Variants in MGST1 observed in about 807,000 individuals in gnomAD.
The protein encoded by MGST1 is glutathione S-transferase 12.
MGST1 carries 5 observed loss-of-function variants against 8.9 expected under a neutral mutation model. That is an observed-to-expected ratio of 0.56 (90% CI 0.29 to 1.19). MGST1 has a LOEUF of 1.19. MGST1 is among the 50% of genes most tolerant of loss of function. The probability of loss-of-function intolerance (pLI) is 0.08; values close to 1 mark genes in which losing one functional copy is unlikely to be tolerated. For synonymous variants in MGST1, 54 were observed against 67.8 expected, an observed-to-expected ratio of 0.80 and a Z score of 1.00; for missense variants, 182 against 187.4, an observed-to-expected ratio of 0.97 and a Z score of 0.17.
chr12:16,534,427 T>A (rs1395084690), intron 4 of MGST1, among the ~76,000 whole-genome samples: 1 of 152,158 alleles, frequency 6.6e-6, no homozygotes, highest in Non-Finnish European at 1.5e-5. Flanking sequence ...CTGGCTGGAT[T>A]CCCACCACTA....
intron 4 of MGST1, among the ~76,000 whole-genome samples, chr12:16,536,433 T>A (rs1454274761): frequency 1.3e-5 from 2 of 152,070 alleles, no homozygotes; most frequent in African/African-American, 4.8e-5. Flanking sequence ...GAAGAAATGG[T>A]TTTGAGAGAA....
chr12:16,447,218 G>A (rs1473632136), intron 4 of MGST1, among the ~76,000 whole-genome samples: 1 of 151,848 alleles, frequency 6.6e-6, no homozygotes, highest in East Asian at 2.0e-4. Context: ...CCTTTATCTA[G>A]TTTCATGTCC....
chr12:16,525,559 T>C (rs1447611642), intron 4 of MGST1, among the ~76,000 whole-genome samples: 1 of 144,346 alleles, frequency 6.9e-6, no homozygotes, highest in East Asian at 2.1e-4. Flanking sequence ...GACATTTGGG[T>C]TGGTTCCAAG....
At chr12:16,472,271 A>C (rs1020237446) in intron 4 of MGST1, among the ~76,000 whole-genome samples, 1 of 152,218 alleles carries the variant, frequency 6.6e-6, no homozygotes, top group Non-Finnish European at 1.5e-5. Flanking sequence ...CCAGAAAAAA[A>C]ACAAATCTTT....
downstream of MGST1, among the ~76,000 whole-genome samples, chr12:16,443,090 AC>A (rs1941051426): frequency 1.3e-5 from 2 of 151,556 alleles, no homozygotes; most frequent in South Asian, 4.1e-4. Context: ...CTTGTTTATG[AC>A]CCTTTTATCT....
intron 3 of MGST1, chr12:16,376,056 GT>G (rs1015882573): frequency 9.3e-7 from 1 of 1,071,732 alleles, no homozygotes. Context: ...TGTATTTTAT[GT>G]GTTCACGTGT....
At chr12:16,431,939 T>C (rs1288790681) in intron 1 of MGST1, among the ~76,000 whole-genome samples, 1 of 152,184 alleles carries the variant, frequency 6.6e-6, no homozygotes, top group Non-Finnish European at 1.5e-5. Flanking sequence ...TTCCCTAAAA[T>C]TTATTCTGTA....
downstream of MGST1, among the ~76,000 whole-genome samples, chr12:16,440,187 G>A (rs1941027217): frequency 6.6e-6 from 1 of 151,496 alleles, no homozygotes; most frequent in East Asian, 2.0e-4. Context: ...TGTAAGTGAT[G>A]AATAAATGAT....
intron 4 of MGST1, among the ~76,000 whole-genome samples, chr12:16,565,252 G>A (rs1256813142): frequency 1.3e-5 from 2 of 152,132 alleles, no homozygotes; most frequent in Admixed American, 1.3e-4. Context: ...ACTGTTGGAT[G>A]GAAAAGTTTT....
chr12:16,385,903 C>T (rs952849775), intron 1 of MGST1, among the ~76,000 whole-genome samples: 1 of 152,126 alleles, frequency 6.6e-6, no homozygotes, highest in African/African-American at 2.4e-5. Context: ...TGACAGCCAA[C>T]TAGAGAGTAT....
intron 1 of MGST1, among the ~76,000 whole-genome samples, chr12:16,419,594 G>T (rs769949598): frequency 6.6e-6 from 1 of 152,150 alleles, no homozygotes; most frequent in Non-Finnish European, 1.5e-5. Flanking sequence ...CTTCAAAGAG[G>T]TTATTCTCTA....
At chr12:16,348,081 G>A (rs1157191349) in intron 1 of MGST1, among the ~76,000 whole-genome samples, 4 of 152,190 alleles carry the variant, frequency 2.6e-5, no homozygotes, top group African/African-American at 7.2e-5. Flanking sequence ...TAGTTTGAAC[G>A]ACTGCTGTTC....
chr12:16,423,492 A>G (rs1374706109), intron 1 of MGST1, among the ~76,000 whole-genome samples: 1 of 147,640 alleles, frequency 6.8e-6, no homozygotes, highest in Non-Finnish European at 1.5e-5. Flanking sequence ...TACCTCTAGT[A>G]TTTGATTTTA....
intron 4 of MGST1, among the ~76,000 whole-genome samples, chr12:16,481,813 G>GTCCT (rs1941366158): frequency 6.6e-6 from 1 of 151,920 alleles, no homozygotes; most frequent in African/African-American, 2.4e-5. Context: ...AATACAGGGG[G>GTCCT]GTATGGGGGG....
At chr12:16,512,190 C>T (rs7299087) in intron 4 of MGST1, among the ~76,000 whole-genome samples, 1,684 of 151,838 alleles carry the variant, frequency 0.011, 38 homozygotes, top group African/African-American at 0.039. Context: ...AAGGTATGCA[C>T]GGACATATAC....
chr12:16,479,917 T>G (rs1591741054), intron 4 of MGST1, among the ~76,000 whole-genome samples: 1 of 152,114 alleles, frequency 6.6e-6, no homozygotes, highest in East Asian at 1.9e-4. Flanking sequence ...ACCTAACATT[T>G]TAAAACACCT....
intron 4 of MGST1, among the ~76,000 whole-genome samples, chr12:16,538,333 C>T (rs1002984097): frequency 1.3e-5 from 2 of 152,144 alleles, no homozygotes; most frequent in Admixed American, 1.3e-4. Context: ...CAACAAGTCT[C>T]TAGGAGGCTC....
At chr12:16,554,941 C>T (rs1942138268) in intron 4 of MGST1, among the ~76,000 whole-genome samples, 1 of 152,210 alleles carries the variant, frequency 6.6e-6, no homozygotes, top group Non-Finnish European at 1.5e-5. Context: ...GGATTACCGG[C>T]ATTAGCCACC....
intron 3 of MGST1, among the ~76,000 whole-genome samples, chr12:16,374,641 A>G (rs1940351536): frequency 6.6e-6 from 1 of 152,170 alleles, no homozygotes; most frequent in Admixed American, 6.5e-5. Context: ...AGTACTTGAA[A>G]ACCAGGTTAT....
Sources: gnomAD v4.1 joint callset for allele counts (sites outside exome capture counted in the v4.1 genomes callset) on GRCh38, gnomAD v4.1.1 for gene constraint, MANE v1.5 for transcripts, NCBI Gene and HGNC (gene_info 2026-07-23, HGNC 2026-07-21) for gene names.